ZNF618: variants seen among roughly 807,000 people sequenced by gnomAD.
The protein encoded by ZNF618 is zinc finger protein 618.
A neutral mutation model predicts 103.0 loss-of-function variants in ZNF618; 34 were observed. That is an observed-to-expected ratio of 0.33 (90% CI 0.25 to 0.44). The LOEUF is 0.44. Ranked by LOEUF, ZNF618 falls within the 20% of genes least tolerant of loss-of-function variation. The probability of loss-of-function intolerance (pLI) is 1.00; values close to 1 mark genes in which losing one functional copy is unlikely to be tolerated. For synonymous variants in ZNF618, 551 were observed against 542.2 expected (o/e 1.02, Z -0.23); for missense variants, 1,059 against 1,295.4 (o/e 0.82, Z 2.80).
chr9:113,962,943 A>G (rs993371202), intron 1 of ZNF618, among the ~76,000 whole-genome samples: 1 of 152,244 alleles, frequency 6.6e-6, no homozygotes, highest in Non-Finnish European at 1.5e-5. Flanking sequence ...CCAACTGCCT[A>G]AAATGATGTC....
At position 114,055,388 on chromosome 9, in the gene ZNF618, C is replaced by G. The variant is rs13287555; in HGVS notation, c.*5221C>G. On this transcript the variant is annotated 3_prime_UTR_variant, in exon 15 of 15. Coordinates refer to ENST00000374126, the MANE Select transcript of ZNF618 (RefSeq NM_001318042.2). ...CACGGCAGGGCTGGCCCAGGCAGCT[C>G]GTCCAGGGCCATTCAGATCCCAAGC... 6.6e-6 allele frequency: 1 copy of G among 152,640 alleles called. No individual in the cohort carries two copies. Among genetic ancestry groups the G allele is most frequent in the African/African-American group, 2.4e-5 (1 of 41,420 alleles). 9.5% of individuals were successfully genotyped at this position (152,640 alleles called of 1,614,324 possible). A position where few individuals can be genotyped will look rare whatever the true frequency, so the allele number is the denominator to read the frequency against.
chr9:113,980,829 C>G (rs534378837), intron 2 of ZNF618, among the ~76,000 whole-genome samples: 1 of 152,102 alleles, frequency 6.6e-6, no homozygotes, highest in East Asian at 1.9e-4. Context: ...AGGCAGAGTC[C>G]GACGGGGACT....
At chr9:113,968,820 G>A (rs752319903) in intron 1 of ZNF618, among the ~76,000 whole-genome samples, 24 of 152,206 alleles carry the variant, frequency 1.6e-4, no homozygotes, top group Non-Finnish European at 3.2e-4. Flanking sequence ...CTCAGATTTA[G>A]CTGGTTACTT....
At chr9:113,967,656 G>T (rs1481226288) in intron 1 of ZNF618, among the ~76,000 whole-genome samples, 1 of 152,192 alleles carries the variant, frequency 6.6e-6, no homozygotes, top group Non-Finnish European at 1.5e-5. Context: ...TGTAAAGTGG[G>T]GATATTATGG....
intron 1 of ZNF618, among the ~76,000 whole-genome samples, chr9:113,917,414 T>C (rs1451875445): frequency 6.8e-6 from 1 of 147,466 alleles, no homozygotes; most frequent in Non-Finnish European, 1.5e-5. Flanking sequence ...ACTCGTCTAT[T>C]TTTTTTTTTT....
At chr9:114,032,607 C>A in intron 11 of ZNF618, 38 bp from the exon 12 acceptor site, 1 of 1,598,342 alleles carries the variant, frequency 6.3e-7, no homozygotes, top group Non-Finnish European at 8.6e-7. Context: ...GCTGACCAAT[C>A]ACCATTGTTT....
intron 1 of ZNF618, among the ~76,000 whole-genome samples, chr9:113,917,340 G>A (rs1832219521): frequency 6.7e-6 from 1 of 150,074 alleles, no homozygotes; most frequent in Admixed American, 6.7e-5. Context: ...CTACCTCCCG[G>A]GCTCAACTGA....
At chr9:113,983,231 A>G (rs1483476652) in intron 2 of ZNF618, among the ~76,000 whole-genome samples, 1 of 152,212 alleles carries the variant, frequency 6.6e-6, no homozygotes, top group Non-Finnish European at 1.5e-5. Flanking sequence ...AAAAAATGAT[A>G]TATGAAAAAA....
rs1317618912 is a variant in ZNF618 at position 113,951,551 on chromosome 9, ATGTGTGTGTATATG to A, written c.34-17542_34-17529del. On this transcript the variant is annotated intron_variant, in intron 1 of 14. Transcript: ENST00000374126. ...CATATGTGTGTACATATGTACACAT[ATGTGTGTGTATATG>A]TGTGTGTGTATATGTGTGTGTGTGT... Among the ~76,000 whole-genome samples, 18 of 51,196 alleles carry A rather than the reference ATGTGTGTGTATATG, an allele frequency of 3.5e-4. 2 individuals carry two copies. Among genetic ancestry groups the A allele is most frequent in the African/African-American group, 5.6e-4 (10 of 17,880 alleles). 33.6% of individuals were successfully genotyped at this position (51,196 alleles called of 152,430 possible).
At chr9:114,044,989 T>C (rs1179450122) in intron 13 of ZNF618, among the ~76,000 whole-genome samples, 2 of 152,080 alleles carry the variant, frequency 1.3e-5, no homozygotes, top group South Asian at 2.1e-4. Flanking sequence ...GACAAGTCTT[T>C]AGGGTTTTCT....
At chr9:113,996,631 G>A (rs2133493697) in intron 3 of ZNF618, among the ~76,000 whole-genome samples, 1 of 152,284 alleles carries the variant, frequency 6.6e-6, no homozygotes, top group South Asian at 2.1e-4. Flanking sequence ...CGGATTAGTT[G>A]GGATGGCGAC....
At chr9:113,934,869 G>A (rs1295777035) in intron 1 of ZNF618, among the ~76,000 whole-genome samples, 2 of 152,224 alleles carry the variant, frequency 1.3e-5, no homozygotes, top group Non-Finnish European at 2.9e-5. Flanking sequence ...GACCGCCAGA[G>A]TATCCTATTT....
intron 2 of ZNF618, among the ~76,000 whole-genome samples, chr9:113,986,194 C>T (rs760953935): frequency 2.6e-5 from 4 of 152,202 alleles, no homozygotes; most frequent in Non-Finnish European, 5.9e-5. Context: ...TTAAAATCTG[C>T]ATGACAACCC....
chr9:114,006,246 C>G (rs1203906132), intron 6 of ZNF618, among the ~76,000 whole-genome samples: 2 of 152,168 alleles, frequency 1.3e-5, no homozygotes, highest in African/African-American at 4.8e-5. Context: ...GTACCCCAAC[C>G]CAGTACTGAT....
intron 1 of ZNF618, among the ~76,000 whole-genome samples, chr9:113,923,237 A>G (rs776653427): frequency 2.6e-5 from 4 of 152,060 alleles, no homozygotes; most frequent in African/African-American, 4.8e-5. Flanking sequence ...TGAATAAAGA[A>G]ATTTTTTTTG....
intron 6 of ZNF618, among the ~76,000 whole-genome samples, chr9:114,003,094 G>A (rs141723859): frequency 1.1e-3 from 165 of 152,304 alleles, no homozygotes; most frequent in Non-Finnish European, 1.7e-3. Flanking sequence ...GTTGACTTTT[G>A]GGAAATGCTG....
At chr9:114,034,981 C>T (rs1459587062) in intron 12 of ZNF618, among the ~76,000 whole-genome samples, 1 of 152,176 alleles carries the variant, frequency 6.6e-6, no homozygotes, top group Non-Finnish European at 1.5e-5. Flanking sequence ...GTGGCCCCAG[C>T]ACCCACAGTA....
intron 3 of ZNF618, 78 bp from the exon 4 acceptor site, chr9:113,998,181 A>C (rs1463091846): frequency 1.5e-6 from 2 of 1,332,128 alleles, no homozygotes; most frequent in Non-Finnish European, 2.1e-6. Context: ...CTCAAAGTGC[A>C]GCCAACTTCG....
chr9:113,886,304 C>A (rs1829065599), intron 1 of ZNF618, among the ~76,000 whole-genome samples: 1 of 152,142 alleles, frequency 6.6e-6, no homozygotes, highest in Non-Finnish European at 1.5e-5. Flanking sequence ...CCTGTCCCAA[C>A]ATTTTTGTGG....
Sources: gnomAD v4.1 joint callset for allele counts (sites outside exome capture counted in the v4.1 genomes callset) on GRCh38, gnomAD v4.1.1 for gene constraint, MANE v1.5 for transcripts, NCBI Gene and HGNC (gene_info 2026-07-23, HGNC 2026-07-21) for gene names.